ZC3H3: variants seen among roughly 807,000 people sequenced by gnomAD.
The protein encoded by ZC3H3 is zinc finger CCCH domain-containing protein 3.
Under a neutral mutation model 77.3 loss-of-function variants are expected in ZC3H3, and 36 were observed. The observed-to-expected ratio is 0.47, with a 90% CI of 0.36 to 0.61. ZC3H3 has a LOEUF of 0.61. ZC3H3 is among the 20% of genes least tolerant of loss of function. The pLI is 0.00. For missense variants in ZC3H3, 1,331 were observed against 1,312.2 expected (o/e 1.01, Z -0.22); for synonymous variants, 626 against 555.2 (o/e 1.13, Z -1.79).
intron 3 of ZC3H3, among the ~76,000 whole-genome samples, chr8:143,515,229 C>T (rs1821996719): frequency 6.6e-6 from 1 of 152,276 alleles, no homozygotes; most frequent in African/African-American, 2.4e-5. Flanking sequence ...AGCTGCTTTT[C>T]TCATCTAGAC....
At chr8:143,478,371 G>A (rs1820803193) in intron 4 of ZC3H3, among the ~76,000 whole-genome samples, 1 of 152,226 alleles carries the variant, frequency 6.6e-6, no homozygotes, top group Non-Finnish European at 1.5e-5. Context: ...GGCCCGTGGG[G>A]CAGAGGCATC....
chr8:143,485,793 A>AAC (rs1259282737), intron 4 of ZC3H3, among the ~76,000 whole-genome samples: 1 of 152,254 alleles, frequency 6.6e-6, no homozygotes, highest in Non-Finnish European at 1.5e-5. Flanking sequence ...AAAACAGGCC[A>AAC]ACACCCAAAG....
At chr8:143,447,384 C>T (rs375677572) in intron 9 of ZC3H3, among the ~76,000 whole-genome samples, 59 of 152,354 alleles carry the variant, frequency 3.9e-4, no homozygotes, top group Middle Eastern at 3.4e-3. Flanking sequence ...ATCTTTCTCA[C>T]GCTCCTCTGC....
At chr8:143,467,304 G>C (rs1327073229) in intron 8 of ZC3H3, among the ~76,000 whole-genome samples, 1 of 152,192 alleles carries the variant, frequency 6.6e-6, no homozygotes, top group Admixed American at 6.5e-5. Context: ...AACCTTGTTT[G>C]CACCCCGCCA....
rs535630137 is a variant in ZC3H3 at position 143,457,786 on chromosome 8, G to C, written c.2307+7931C>G. On this transcript the variant is annotated intron_variant, in intron 9 of 11. Coordinates refer to ENST00000262577, the MANE Select transcript of ZC3H3 (RefSeq NM_015117.3). ...GGACGCTGAGGCAGGAGGATTGCTTGAGCCCAGGAGGTTGAGGCTGTAGTG... is the reference window on the plus strand; with the variant it reads ...GGACGCTGAGGCAGGAGGATTGCTTCAGCCCAGGAGGTTGAGGCTGTAGTG... Among the ~76,000 whole-genome samples the C allele has an allele frequency of 1.1e-4, 17 of 152,282 alleles. 1 individual carries two copies. In the South Asian group the frequency reaches 3.3e-3, roughly 30 times the overall value.
chr8:143,474,005 G>T (rs1253869458), intron 5 of ZC3H3, among the ~76,000 whole-genome samples: 2 of 152,274 alleles, frequency 1.3e-5, no homozygotes, highest in East Asian at 3.9e-4. Flanking sequence ...ACCAGAGAAG[G>T]CCCTGCTGGG....
In ZC3H3 at chr8:143,460,896, G is replaced by C. The variant is rs1333205049; in HGVS notation, c.2307+4821C>G. 6.6e-6 allele frequency among the ~76,000 whole-genome samples: 1 copy of C among 152,206 alleles called. No homozygotes were observed. Among genetic ancestry groups the C allele is most frequent in the East Asian group, 1.9e-4 (1 of 5,194 alleles). ...GACAGAATGTACGATTCCACTTAGAGGACATAGCTAGAGGAGGCGCCTTCA... is the reference window on the plus strand; with the variant it reads ...GACAGAATGTACGATTCCACTTAGACGACATAGCTAGAGGAGGCGCCTTCA... On this transcript the variant is annotated intron_variant, in intron 9 of 11. Transcript: ENST00000262577. This position sits in a 1 kb window ranked among gnomAD's most constrained non-coding sequence, Gnocchi z 4.0.
chr8:143,503,315 C>T (rs564472518), intron 4 of ZC3H3, among the ~76,000 whole-genome samples: 24 of 152,304 alleles, frequency 1.6e-4, no homozygotes, highest in African/African-American at 5.3e-4. Flanking sequence ...CTGCCCCACC[C>T]CAGTCTCCAC....
In ZC3H3 at chr8:143,468,476, CCTT is replaced by C. The variant is rs1820474174; in HGVS notation, c.2008_2010del (p.Lys670del). The C allele has an allele frequency of 1.2e-6, 2 of 1,609,134 alleles. No homozygotes were observed. Among genetic ancestry groups the C allele is most frequent in the Non-Finnish European group, 1.7e-6 (2 of 1,178,504 alleles). ...AAGCGGTTGTAGTACATGCAGTACTCCTTCCTCTTCTCCCTGCGCTGCCGCGCC... is the reference window on the plus strand; with the variant it reads ...AAGCGGTTGTAGTACATGCAGTACTCCCTCTTCTCCCTGCGCTGCCGCGCC... On this transcript the variant is annotated inframe_deletion, in exon 7 of 12. Coordinates refer to ENST00000262577, the MANE Select transcript of ZC3H3 (RefSeq NM_015117.3).
chr8:143,485,072 A>T (rs1169703663), intron 4 of ZC3H3: 1 of 276,460 alleles, frequency 3.6e-6, no homozygotes, highest in East Asian at 1.2e-4. Flanking sequence ...CACCAGTTGG[A>T]ACATACAAAG....
At chr8:143,445,091 C>A (rs1236789676) in intron 9 of ZC3H3, among the ~76,000 whole-genome samples, 2 of 152,026 alleles carry the variant, frequency 1.3e-5, no homozygotes, top group African/African-American at 4.8e-5. Context: ...CTAACAAAAC[C>A]TAATCAAGGG....
intron 4 of ZC3H3, among the ~76,000 whole-genome samples, chr8:143,505,109 C>G (rs1480916791): frequency 3.3e-5 from 5 of 152,236 alleles, no homozygotes; most frequent in Non-Finnish European, 5.9e-5. Flanking sequence ...CCCCTGCCAA[C>G]TCTGACCACC....
chr8:143,511,194 C>T (rs1821859251), intron 3 of ZC3H3, among the ~76,000 whole-genome samples: 1 of 152,180 alleles, frequency 6.6e-6, no homozygotes, highest in African/African-American at 2.4e-5. Context: ...CACCACATGC[C>T]CAATGACGCA....
chr8:143,493,507 C>T lies in ZC3H3; in HGVS notation c.1715+14239G>A, dbSNP rs374682051. The stretch of plus-strand genomic sequence containing the variant: ...GGAGAAGGTGGAAGGTATGCAGGCT[C>T]GGGGGGATGCCAGCTCAGCCCTGCT... On this transcript the variant is annotated intron_variant, in intron 4 of 11. Transcript: ENST00000262577. The surrounding 1 kb of genome is among the most constrained non-coding windows in gnomAD (Gnocchi z 4.8). Among the ~76,000 whole-genome samples, 1 of 152,162 alleles carries T rather than the reference C, an allele frequency of 6.6e-6. No individual in the cohort carries two copies.
At chr8:143,448,569 G>C (rs1819915316) in intron 9 of ZC3H3, among the ~76,000 whole-genome samples, 1 of 152,214 alleles carries the variant, frequency 6.6e-6, no homozygotes, top group Non-Finnish European at 1.5e-5. Flanking sequence ...CAAGGGGAGG[G>C]CTCCCAAGTC....
intron 5 of ZC3H3, among the ~76,000 whole-genome samples, chr8:143,473,061 C>T (rs182110308): frequency 3.6e-4 from 55 of 152,336 alleles, no homozygotes; most frequent in East Asian, 9.7e-4. Flanking sequence ...GGGGCTCTCG[C>T]GTACGTCAGG....
chr8:143,534,787 CCT>C, intron 3 of ZC3H3, among the ~76,000 whole-genome samples: 1 of 152,290 alleles, frequency 6.6e-6, no homozygotes, highest in African/African-American at 2.4e-5. Flanking sequence ...CTGCTTGCTC[CCT>C]GTCACCAGGA....
intron 3 of ZC3H3, chr8:143,523,242 G>A: frequency 1.1e-6 from 1 of 920,184 alleles, no homozygotes; most frequent in Non-Finnish European, 1.3e-6. Context: ...ACCTCCCACT[G>A]CACACAACCC....
chr8:143,443,277 C>G (rs1283328223), intron 9 of ZC3H3, among the ~76,000 whole-genome samples: 3 of 135,874 alleles, frequency 2.2e-5, no homozygotes, highest in Non-Finnish European at 4.7e-5. Context: ...AGAGTGAGAC[C>G]CTGTCTCAAA....
Sources: allele counts gnomAD v4.1 joint callset (sites outside exome capture counted in the v4.1 genomes callset), GRCh38; gene constraint gnomAD v4.1.1; non-coding constraint Gnocchi (gnomAD v3.1); transcripts MANE v1.5; gene names NCBI Gene and HGNC (gene_info 2026-07-23, HGNC 2026-07-21).